ARHGAP15: variants seen among roughly 807,000 people sequenced by gnomAD.
ARHGAP15 encodes rho GTPase-activating protein 15.
In ARHGAP15, 51 loss-of-function variants were observed where a neutral mutation model predicts 63.7. The ratio of observed to expected loss-of-function variants is 0.80; its 90% CI spans 0.64 to 1.01. The LOEUF (loss-of-function observed/expected upper bound fraction) is 1.01. Ranked by LOEUF, ARHGAP15 falls within the 50% of genes least tolerant of loss-of-function variation. The pLI, the probability that ARHGAP15 is intolerant of heterozygous loss-of-function variation, is 0.00. For synonymous variants in ARHGAP15, 191 were observed against 193.8 expected (o/e 0.99, Z 0.12); for missense variants, 560 against 564.6 (o/e 0.99, Z 0.08).
chr2:143,169,484 C>T (rs185985086), intron 2 of ARHGAP15, among the ~76,000 whole-genome samples: 1 of 152,202 alleles, frequency 6.6e-6, no homozygotes, highest in East Asian at 1.9e-4. Flanking sequence ...TTCAGTATAA[C>T]TTTTCCGAGT....
At chr2:143,583,460 C>T (rs937752000) in intron 11 of ARHGAP15, among the ~76,000 whole-genome samples, 2 of 151,932 alleles carry the variant, frequency 1.3e-5, no homozygotes, top group African/African-American at 4.8e-5. Flanking sequence ...CAGATTTTTA[C>T]GAACTGTTAC....
chr2:143,196,719 A>T (rs565784082), intron 2 of ARHGAP15, among the ~76,000 whole-genome samples: 2 of 152,122 alleles, frequency 1.3e-5, no homozygotes, highest in African/African-American at 4.8e-5. Flanking sequence ...CTAGCAAAAT[A>T]AATGAGGCTG....
intron 9 of ARHGAP15, among the ~76,000 whole-genome samples, chr2:143,516,800 CA>C (rs1172095814): frequency 6.6e-6 from 1 of 152,192 alleles, no homozygotes; most frequent in African/African-American, 2.4e-5. Flanking sequence ...GTGTTTTGAA[CA>C]AGTCATTGTT....
chr2:143,488,280 G>C (rs749529011), intron 9 of ARHGAP15, among the ~76,000 whole-genome samples: 1 of 152,190 alleles, frequency 6.6e-6, no homozygotes, highest in African/African-American at 2.4e-5. Flanking sequence ...TGGAACAAAA[G>C]TAAATATTCT....
At chr2:143,403,680 G>A (rs1688080260) in intron 6 of ARHGAP15, among the ~76,000 whole-genome samples, 1 of 151,836 alleles carries the variant, frequency 6.6e-6, no homozygotes, top group Admixed American at 6.6e-5. Context: ...ACCAGAAAAA[G>A]ACTGGAGTTT....
At chr2:143,443,700 G>A (rs1450958335) in intron 8 of ARHGAP15, among the ~76,000 whole-genome samples, 1 of 152,150 alleles carries the variant, frequency 6.6e-6, no homozygotes, top group East Asian at 1.9e-4. Context: ...AAAGCTGCAA[G>A]ATGTAAACAT....
chr2:143,321,020 G>C (rs982964331), intron 6 of ARHGAP15, among the ~76,000 whole-genome samples: 1 of 152,074 alleles, frequency 6.6e-6, no homozygotes, highest in East Asian at 1.9e-4. Context: ...CCTATGGGGG[G>C]ATTCACAGCC....
chr2:143,495,433 C>G (rs906875869), intron 9 of ARHGAP15, among the ~76,000 whole-genome samples: 1 of 151,946 alleles, frequency 6.6e-6, no homozygotes, highest in African/African-American at 2.4e-5. Context: ...TCATGATGCT[C>G]TTTATACATA....
At chr2:143,374,567 T>A (rs1426593002) in intron 6 of ARHGAP15, among the ~76,000 whole-genome samples, 1 of 152,090 alleles carries the variant, frequency 6.6e-6, no homozygotes, top group Non-Finnish European at 1.5e-5. Flanking sequence ...TGCAGTGATG[T>A]GATCTTGGCT....
intron 4 of ARHGAP15, among the ~76,000 whole-genome samples, chr2:143,226,480 G>A (rs1440769100): frequency 2.0e-5 from 3 of 152,198 alleles, no homozygotes; most frequent in Non-Finnish European, 2.9e-5. Flanking sequence ...TAAGGGTGGT[G>A]TTAAAAGATG....
intron 6 of ARHGAP15, among the ~76,000 whole-genome samples, chr2:143,417,543 G>T (rs576683053): frequency 1.3e-5 from 2 of 152,198 alleles, no homozygotes; most frequent in African/African-American, 4.8e-5. Flanking sequence ...GCATTTAATT[G>T]TTGCCACATT....
chr2:143,753,471 C>G (rs1236797598), intron 13 of ARHGAP15, among the ~76,000 whole-genome samples: 4 of 152,192 alleles, frequency 2.6e-5, no homozygotes, highest in African/African-American at 9.7e-5. Context: ...CAGGTGATCA[C>G]AGTTCTACGT....
chr2:143,746,012 T>C (rs1330064723), intron 13 of ARHGAP15, among the ~76,000 whole-genome samples: 5 of 152,182 alleles, frequency 3.3e-5, no homozygotes, highest in Non-Finnish European at 7.3e-5. Context: ...TCAAATCAGC[T>C]TTTTTCTCCA....
chr2:143,581,736 C>T (rs957926408), intron 11 of ARHGAP15, among the ~76,000 whole-genome samples: 1 of 152,168 alleles, frequency 6.6e-6, no homozygotes, highest in Non-Finnish European at 1.5e-5. Flanking sequence ...TTAGCTGTCT[C>T]AACTCCGGAA....
intron 9 of ARHGAP15, among the ~76,000 whole-genome samples, chr2:143,517,959 G>A (rs1422798177): frequency 6.6e-6 from 1 of 152,168 alleles, no homozygotes; most frequent in Non-Finnish European, 1.5e-5. Context: ...GTCAGATTAT[G>A]TAATACCTTA....
At chr2:143,579,035 AG>A (rs1696788124) in intron 11 of ARHGAP15, among the ~76,000 whole-genome samples, 2 of 152,184 alleles carry the variant, frequency 1.3e-5, no homozygotes, top group South Asian at 4.1e-4. Flanking sequence ...TAAGATGCTA[AG>A]TATGCAAAAC....
chr2:143,691,616 A>G (rs1215437771), intron 12 of ARHGAP15, among the ~76,000 whole-genome samples: 2 of 152,200 alleles, frequency 1.3e-5, no homozygotes, highest in East Asian at 1.9e-4. Flanking sequence ...TGTTTCTGCT[A>G]TTAATTCCAC....
At chr2:143,706,578 G>C (rs1436438846) in intron 13 of ARHGAP15, 1 of 152,028 alleles carries the variant, frequency 6.6e-6, no homozygotes, top group Non-Finnish European at 1.5e-5. Flanking sequence ...CGGCACAGTT[G>C]GACTAGAAGG....
At position 143,439,622 on chromosome 2, in the gene ARHGAP15, C is replaced by G. The variant is rs540678275; in HGVS notation, c.703+2580C>G. On this transcript the variant is annotated intron_variant, in intron 8 of 13. Transcript: ENST00000295095. ...TATAGCAATACATTTAATCCTCTCA[C>G]CAATCCTATGAGGTAGATACTATTA... 4.6e-5 allele frequency among the ~76,000 whole-genome samples: 7 copies of G among 151,628 alleles called. No individual in the cohort carries two copies. In the East Asian group the frequency reaches 1.4e-3, roughly 29 times the overall value.
Sources: gnomAD v4.1 joint callset for allele counts (sites outside exome capture counted in the v4.1 genomes callset) on GRCh38, gnomAD v4.1.1 for gene constraint, MANE v1.5 for transcripts, NCBI Gene and HGNC (gene_info 2026-07-23, HGNC 2026-07-21) for gene names.